MDGA2: variants seen among roughly 807,000 people sequenced by gnomAD.
The protein encoded by MDGA2 is MAM domain containing glycosylphosphatidylinositol anchor 2.
A neutral mutation model predicts 117.8 loss-of-function variants in MDGA2; 40 were observed. That is an observed-to-expected ratio of 0.34 (90% CI 0.26 to 0.44). MDGA2 has a LOEUF of 0.44. MDGA2 is among the 20% of genes least tolerant of loss of function. The probability of loss-of-function intolerance (pLI) is 1.00; values close to 1 mark genes in which losing one functional copy is unlikely to be tolerated. For synonymous variants in MDGA2, 452 were observed against 439.0 expected (o/e 1.03, Z -0.37); for missense variants, 1,123 against 1,250.6 (o/e 0.90, Z 1.54).
intron 6 of MDGA2, among the ~76,000 whole-genome samples, chr14:47,090,383 C>A (rs1245019984): frequency 6.7e-6 from 1 of 149,858 alleles, no homozygotes; most frequent in Non-Finnish European, 1.5e-5. Context: ...ATCCTATCCA[C>A]AAAAAAAAAA....
chr14:47,573,886 T>C (rs1896066256), intron 1 of MDGA2, among the ~76,000 whole-genome samples: 1 of 151,960 alleles, frequency 6.6e-6, no homozygotes, highest in South Asian at 2.1e-4. Flanking sequence ...TCCAGAAAGG[T>C]GAAACAGTAG....
rs187848135 is a variant in MDGA2 at position 47,530,171 on chromosome 14, C to A, written c.280+144346G>T. Reference sequence around the variant, plus strand: ...AATGGAATGCAACCCTTGTGGAGAGCCTATAAACAGATGCATGAGGGGCGC... The same window carrying A: ...AATGGAATGCAACCCTTGTGGAGAGACTATAAACAGATGCATGAGGGGCGC... On this transcript the variant is annotated intron_variant, in intron 1 of 16. Transcript: ENST00000399232. Among the ~76,000 whole-genome samples the A allele has an allele frequency of 4.6e-5, 7 of 152,182 alleles. No homozygotes were observed. In the East Asian group the frequency reaches 1.4e-3, roughly 30 times the overall value.
chr14:47,644,177 A>T (rs1339042397), intron 1 of MDGA2, among the ~76,000 whole-genome samples: 1 of 152,182 alleles, frequency 6.6e-6, no homozygotes, highest in Non-Finnish European at 1.5e-5. Context: ...TCTAATCCCT[A>T]AAAGCTGTGA....
chr14:47,000,348 T>C (rs546383626), intron 8 of MDGA2, among the ~76,000 whole-genome samples: 384 of 83,288 alleles, frequency 4.6e-3, no homozygotes, highest in Non-Finnish European at 6.6e-3. Context: ...TATATATATA[T>C]ACACACACAT....
At chr14:47,302,617 A>C (rs536038036) in intron 1 of MDGA2, among the ~76,000 whole-genome samples, 2 of 152,184 alleles carry the variant, frequency 1.3e-5, no homozygotes, top group Non-Finnish European at 2.9e-5. Flanking sequence ...TGTTTTATCT[A>C]ACATTAAAGA....
At chr14:47,586,184 T>C (rs1302853794) in intron 1 of MDGA2, among the ~76,000 whole-genome samples, 1 of 151,976 alleles carries the variant, frequency 6.6e-6, no homozygotes, top group Non-Finnish European at 1.5e-5. Context: ...GACTACTCCC[T>C]AAAGAATTGG....
intron 3 of MDGA2, among the ~76,000 whole-genome samples, chr14:47,190,991 C>T (rs911979265): frequency 2.0e-5 from 3 of 152,188 alleles, no homozygotes; most frequent in East Asian, 1.9e-4. Flanking sequence ...ATTCATTCAA[C>T]TATTTGAAAA....
chr14:47,213,352 C>T (rs1451885937), intron 3 of MDGA2, among the ~76,000 whole-genome samples: 1 of 152,066 alleles, frequency 6.6e-6, no homozygotes, highest in Non-Finnish European at 1.5e-5. Context: ...AAAATAAAAA[C>T]TGTTTGGACA....
chr14:46,996,586 T>C (rs1887301510), intron 8 of MDGA2: 1 of 152,330 alleles, frequency 6.6e-6, no homozygotes. Flanking sequence ...ATTCAAAATT[T>C]GGAATGCTGA....
chr14:47,514,196 T>C (rs751888746), intron 1 of MDGA2, among the ~76,000 whole-genome samples: 17 of 152,212 alleles, frequency 1.1e-4, no homozygotes, highest in Admixed American at 3.3e-4. Flanking sequence ...CTAGCTGCAG[T>C]TGAAGAGAAA....
rs10623885 is a variant in MDGA2, at chr14:46,940,625, C to CAA, written c.2089+16747_2089+16748dup. Among the ~76,000 whole-genome samples the CAA allele has an allele frequency of 8.4e-3, 1,168 of 139,622 alleles. 15 individuals carry two copies. Among genetic ancestry groups the CAA allele is most frequent in the African/African-American group, 0.026 (975 of 37,750 alleles). The allele number at this position is 139,622 out of a possible 152,430, so 91.6% of individuals were successfully genotyped here. Reference sequence around the variant, plus strand: ...CCTGGGTGACAGAGCGAGACTGTCTCAAAAAAAAAAAAAAGTTGAACTTAA... The same window carrying CAA: ...CCTGGGTGACAGAGCGAGACTGTCTCAAAAAAAAAAAAAAAAGTTGAACTTAA... On this transcript the variant is annotated intron_variant, in intron 9 of 16. Coordinates refer to ENST00000399232, the MANE Select transcript of MDGA2 (RefSeq NM_001113498.3).
At chr14:47,640,386 A>G (rs1051734796) in intron 1 of MDGA2, among the ~76,000 whole-genome samples, 2 of 152,082 alleles carry the variant, frequency 1.3e-5, no homozygotes, top group Non-Finnish European at 2.9e-5. Context: ...GATGTACTGC[A>G]ATGACTTCTG....
Position 47,674,746 on chromosome 14 carries a change from C to CCGG in MDGA2, c.48_50dup (p.Arg17dup), listed in dbSNP as rs768335060. The CCGG allele has an allele frequency of 1.2e-5, 9 of 738,024 alleles. No individual in the cohort carries two copies. The highest frequency in any genetic ancestry group is 1.7e-5 in the African/African-American group (1 of 57,274). 45.7% of individuals were successfully genotyped at this position (738,024 alleles called of 1,614,324 possible). Reference sequence around the variant, plus strand: ...GGAAGCGCCGTCCGTCTGTCCTTCCCCGGCGGCGGCGGCGAGCGGAGCGCA... The same window carrying CCGG: ...GGAAGCGCCGTCCGTCTGTCCTTCCCCGGCGGCGGCGGCGGCGAGCGGAGCGCA... On this transcript the variant is annotated inframe_insertion, in exon 1 of 17. Coordinates refer to ENST00000399232, the MANE Select transcript of MDGA2 (RefSeq NM_001113498.3).
chr14:47,154,379 G>A (rs951515226), intron 3 of MDGA2, among the ~76,000 whole-genome samples: 1 of 152,196 alleles, frequency 6.6e-6, no homozygotes, highest in Non-Finnish European at 1.5e-5. Flanking sequence ...TGGAAACTGC[G>A]GGAGCCGGGA....
At chr14:47,460,804 C>T (rs982669168) in intron 1 of MDGA2, among the ~76,000 whole-genome samples, 1 of 152,008 alleles carries the variant, frequency 6.6e-6, no homozygotes, top group Non-Finnish European at 1.5e-5. Flanking sequence ...ATCCATTGTT[C>T]GCCTTGGAAT....
chr14:46,845,206 A>G (rs1035064552), intron 16 of MDGA2, among the ~76,000 whole-genome samples: 1 of 152,302 alleles, frequency 6.6e-6, no homozygotes, highest in South Asian at 2.1e-4. Flanking sequence ...TATAAGGGGC[A>G]CTTCCCCCTT....
chr14:46,874,592 G>A (rs548969604), intron 12 of MDGA2, among the ~76,000 whole-genome samples: 1 of 151,874 alleles, frequency 6.6e-6, no homozygotes, highest in Non-Finnish European at 1.5e-5. Context: ...ATTTACCTGA[G>A]GGTAGTTTTA....
chr14:47,420,745 C>T (rs1255336395), intron 1 of MDGA2, among the ~76,000 whole-genome samples: 1 of 151,868 alleles, frequency 6.6e-6, no homozygotes, highest in Non-Finnish European at 1.5e-5. Flanking sequence ...AAATCAGACA[C>T]TAAGTTTTTA....
intron 8 of MDGA2, among the ~76,000 whole-genome samples, chr14:47,021,226 G>C (rs1297079595): frequency 3.3e-5 from 5 of 152,022 alleles, no homozygotes; most frequent in Non-Finnish European, 7.4e-5. Flanking sequence ...TAAAACTAAG[G>C]AATTGTAAAA....
Sources: allele counts gnomAD v4.1 joint callset (sites outside exome capture counted in the v4.1 genomes callset), GRCh38; gene constraint gnomAD v4.1.1; transcripts MANE v1.5; gene names NCBI Gene and HGNC (gene_info 2026-07-23, HGNC 2026-07-21).